ELAPOR2: variants seen among roughly 807,000 people sequenced by gnomAD.
The protein encoded by ELAPOR2 is endosome-lysosome associated apoptosis and autophagy regulator family member 2, also known as endosome/lysosome-associated apoptosis and autophagy regulator family member 2.
ELAPOR2 carries 89 observed loss-of-function variants against 120.7 expected under a neutral mutation model. The ratio of observed to expected loss-of-function variants is 0.74; its 90% confidence interval spans 0.62 to 0.88. ELAPOR2 has a LOEUF of 0.88. Ranked by LOEUF, ELAPOR2 falls within the 40% of genes least tolerant of loss-of-function variation. The pLI, the probability that ELAPOR2 is intolerant of heterozygous loss-of-function variation, is 0.00. For missense variants in ELAPOR2, 1,134 were observed against 1,251.6 expected, an observed-to-expected ratio of 0.91 and a Z score of 1.42; for synonymous variants, 444 against 444.9, an observed-to-expected ratio of 1.00 and a Z score of 0.03.
chr7:86,896,155 T>C (rs1021959154), intron 19 of ELAPOR2, among the ~76,000 whole-genome samples: 12 of 152,138 alleles, frequency 7.9e-5, no homozygotes, highest in Non-Finnish European at 5.9e-5. Context: ...TGCTTATTTT[T>C]TGTATAATGC....
chr7:86,915,208 C>G (rs954878122), intron 12 of ELAPOR2, among the ~76,000 whole-genome samples: 7 of 152,054 alleles, frequency 4.6e-5, no homozygotes, highest in Non-Finnish European at 1.0e-4. Context: ...CATAACTCCT[C>G]AAACTTCTTA....
intron 1 of ELAPOR2, among the ~76,000 whole-genome samples, chr7:86,995,540 T>C (rs1793093756): frequency 6.6e-6 from 1 of 152,190 alleles, no homozygotes; most frequent in Non-Finnish European, 1.5e-5. Context: ...TTGCTATTAA[T>C]ATAACGCGTT....
intron 1 of ELAPOR2, among the ~76,000 whole-genome samples, chr7:87,034,826 TAATC>T (rs908245854): frequency 6.6e-6 from 1 of 152,158 alleles, no homozygotes; most frequent in African/African-American, 2.4e-5. Flanking sequence ...CTCACGACTG[TAATC>T]CAAGCACTTT....
intron 1 of ELAPOR2, among the ~76,000 whole-genome samples, chr7:86,981,233 T>C (rs1465264394): frequency 6.6e-6 from 1 of 152,204 alleles, no homozygotes; most frequent in African/African-American, 2.4e-5. Flanking sequence ...CTCTATTCAG[T>C]TGAACTTTTG....
chr7:86,897,382 C>T, intron 19 of ELAPOR2, 124 bp downstream of exon 19: 3 of 1,185,562 alleles, frequency 2.5e-6, no homozygotes, highest in Non-Finnish European at 3.5e-6. Flanking sequence ...TTTTAAATGC[C>T]TACCAATGTA....
At chr7:87,009,296 A>G (rs569026433) in intron 1 of ELAPOR2, among the ~76,000 whole-genome samples, 1 of 152,324 alleles carries the variant, frequency 6.6e-6, no homozygotes, top group South Asian at 2.1e-4. Context: ...GGAAGTAGAG[A>G]TTCAATCTAT....
Position 87,012,675 on chromosome 7 carries a change from A to G in ELAPOR2, c.189+46650T>C, listed in dbSNP as rs144862181. On this transcript the variant is annotated intron_variant, in intron 1 of 21. Transcript: ENST00000450689. ...TACTTTTCAGAAAGTATCTGAACAG[A>G]TACTTTCATTGCAACAAAAATAAAA... Among the ~76,000 whole-genome samples the G allele has an allele frequency of 2.5e-3, 375 of 152,320 alleles. 4 individuals are homozygous for G. Among genetic ancestry groups the G allele is most frequent in the African/African-American group, 8.5e-3 (354 of 41,570 alleles).
intron 16 of ELAPOR2, among the ~76,000 whole-genome samples, chr7:86,909,338 T>C (rs1367235057): frequency 6.6e-6 from 1 of 152,064 alleles, no homozygotes; most frequent in African/African-American, 2.4e-5. Context: ...TTGAAACTTA[T>C]CTATGACCTC....
In ELAPOR2 at chr7:86,912,217, A is replaced by G; in HGVS notation, c.2024T>C (p.Phe675Ser). 6.2e-7 allele frequency: 1 copy of G among 1,607,060 alleles called. No individual in the cohort carries two copies. Among genetic ancestry groups the G allele is most frequent in the Non-Finnish European group, 8.5e-7 (1 of 1,174,172 alleles). Residue 675 changes from phenylalanine to serine, a missense_variant, in exon 15 of 22, where the codon TTT becomes TCT. Phe to Ser is a radical substitution (Grantham distance 155). This residue lies in a region of ELAPOR2 where 831 missense variants were observed against 867.6 expected (regional missense o/e 0.96). Transcript: ENST00000450689. ...QDHSVCYSDC[F>S]FYHEKENQSL... The stretch of plus-strand genomic sequence containing the variant: ...CTGATTTTCTTTTTCATGGTAGAAA[A>G]AGCAGTCACTATAGCAAACCGAATG...
chr7:87,004,736 A>G (rs1562964562), intron 1 of ELAPOR2, among the ~76,000 whole-genome samples: 2 of 152,184 alleles, frequency 1.3e-5, no homozygotes, highest in South Asian at 4.1e-4. Context: ...CAGACAGTGC[A>G]TTCTCATCAT....
rs1210260795 is a variant in ELAPOR2 at position 86,926,901 on chromosome 7, T to G, written c.1105A>C (p.Lys369Gln). Residue 369 changes from lysine to glutamine, a missense_variant, in exon 9 of 22, where the codon AAG (lysine) becomes CAG (glutamine). Transcript: ENST00000450689. ...CGGCAGATTTTGGGCTCTATCCACT[T>G]GTACATTATCTGTGTCTACAAAAAA... ...DEEGKTQIMY[K>Q]WIEPKICRED... is the part of the protein sequence containing the mutation. 6.6e-7 allele frequency: 1 copy of G among 1,509,016 alleles called. No individual in the cohort carries two copies. Among genetic ancestry groups the G allele is most frequent in the Non-Finnish European group, 8.8e-7 (1 of 1,135,102 alleles). The allele number at this position is 1,509,016 out of a possible 1,614,324, so 93.5% of individuals were successfully genotyped here.
chr7:86,916,955 A>ATTTTTTTTTTT (rs58682563), intron 12 of ELAPOR2, among the ~76,000 whole-genome samples: 1 of 86,700 alleles, frequency 1.2e-5, no homozygotes. Flanking sequence ...TGGCCAGCTA[A>ATTTTTTTTTTT]TTTTTTTTTT....
chr7:86,969,087 A>G (rs1017536008), intron 1 of ELAPOR2, among the ~76,000 whole-genome samples: 4 of 152,200 alleles, frequency 2.6e-5, no homozygotes, highest in South Asian at 2.1e-4. Flanking sequence ...ATCATGGCAC[A>G]CTACACAGGC....
chr7:87,041,038 T>C (rs1794769198), intron 1 of ELAPOR2, among the ~76,000 whole-genome samples: 1 of 151,506 alleles, frequency 6.6e-6, no homozygotes. Flanking sequence ...ATGAATGAAA[T>C]GAAGGGAGAA....
intron 8 of ELAPOR2, 106 bp downstream of exon 8, chr7:86,938,020 T>G: frequency 1.2e-6 from 1 of 815,166 alleles, no homozygotes; most frequent in Non-Finnish European, 2.0e-6. Flanking sequence ...TCTTTACACT[T>G]ACATACGTGT....
At chr7:87,044,019 G>A (rs1354428813) in intron 1 of ELAPOR2, among the ~76,000 whole-genome samples, 6 of 144,018 alleles carry the variant, frequency 4.2e-5, no homozygotes, top group African/African-American at 1.6e-4. Context: ...GCTTCAAAGA[G>A]AATAAAATAC....
At chr7:86,972,047 A>G (rs1792122810) in intron 1 of ELAPOR2, among the ~76,000 whole-genome samples, 1 of 152,134 alleles carries the variant, frequency 6.6e-6, no homozygotes, top group Non-Finnish European at 1.5e-5. Context: ...GAAAGATGTA[A>G]AAGTGTTAGA....
chr7:86,915,770 G>A (rs866391828), intron 12 of ELAPOR2, among the ~76,000 whole-genome samples: 1 of 150,800 alleles, frequency 6.6e-6, no homozygotes, highest in African/African-American at 2.4e-5. Flanking sequence ...AATCAAACAT[G>A]TGATAAAGTA....
intron 10 of ELAPOR2, among the ~76,000 whole-genome samples, chr7:86,925,097 T>C (rs960644809): frequency 6.6e-6 from 1 of 151,986 alleles, no homozygotes; most frequent in East Asian, 1.9e-4. Flanking sequence ...ACTTTGTAAA[T>C]ACAATCATAG....
Sources: gnomAD v4.1 joint callset for allele counts (sites outside exome capture counted in the v4.1 genomes callset) on GRCh38, gnomAD v4.1.1 for gene constraint, gnomAD v4.1.1 regional missense constraint, MANE v1.5 for transcripts, NCBI Gene and HGNC (gene_info 2026-07-23, HGNC 2026-07-21) for gene names.